TENM3: variants seen among roughly 807,000 people sequenced by gnomAD.
The protein encoded by TENM3 is teneurin transmembrane protein 3, also known as teneurin-3.
Under a neutral mutation model 255.1 loss-of-function variants are expected in TENM3, and 63 were observed. The observed-to-expected ratio is 0.25, with a 90% CI of 0.20 to 0.30. The LOEUF (loss-of-function observed/expected upper bound fraction) is 0.30, where lower values mean the gene tolerates loss of function less well. Among genes scored for constraint, TENM3 ranks in the 10% least tolerant of loss-of-function variants. The pLI, the probability that TENM3 is intolerant of heterozygous loss-of-function variation, is 1.00. For synonymous variants in TENM3, 1,306 were observed against 1,322.3 expected (o/e 0.99, Z 0.27); for missense variants, 2,929 against 3,461.1 (o/e 0.85, Z 3.86).
chr4:182,570,654 C>T (rs1744261930), intron 3 of TENM3, among the ~76,000 whole-genome samples: 1 of 151,974 alleles, frequency 6.6e-6, no homozygotes, highest in Non-Finnish European at 1.5e-5. Flanking sequence ...TCAAGACCAT[C>T]CTGGCTCATC....
At chr4:181,588,539 T>C in the TENM3 span, among the ~76,000 whole-genome samples, 1 of 152,152 alleles carries the variant, frequency 6.6e-6, no homozygotes, top group African/African-American at 2.4e-5. Context: ...AGATTCCAAT[T>C]GGGATCTGTA....
the TENM3 span, among the ~76,000 whole-genome samples, chr4:181,883,827 T>A: frequency 6.6e-6 from 1 of 152,088 alleles, no homozygotes; most frequent in African/African-American, 2.4e-5. Flanking sequence ...AGTAGAAGAT[T>A]AATGGCAGGA....
chr4:181,490,079 T>G, the TENM3 span, among the ~76,000 whole-genome samples: 1 of 152,226 alleles, frequency 6.6e-6, no homozygotes, highest in Non-Finnish European at 1.5e-5. Context: ...GTAGGGCACA[T>G]GTGATATCTT....
chr4:182,316,672 A>G, intron 1 of TENM3, among the ~76,000 whole-genome samples: 1 of 151,124 alleles, frequency 6.6e-6, no homozygotes, highest in African/African-American at 2.4e-5. Context: ...CTTTCAGATC[A>G]TTCTTTCTGT....
At chr4:182,597,874 G>C (rs1233261355) in intron 3 of TENM3, among the ~76,000 whole-genome samples, 2 of 152,254 alleles carry the variant, frequency 1.3e-5, no homozygotes, top group East Asian at 3.9e-4. Flanking sequence ...TTGTGGTCTG[G>C]TGCAGAATTT....
intron 5 of TENM3, among the ~76,000 whole-genome samples, chr4:182,630,266 A>G (rs6827791): frequency 0.035 from 5,361 of 152,316 alleles, 104 homozygotes; most frequent in Middle Eastern, 0.075. Context: ...CTGTTGTTTC[A>G]TAACAGTGAA....
At chr4:181,899,577 G>T in the TENM3 span, among the ~76,000 whole-genome samples, 1 of 151,428 alleles carries the variant, frequency 6.6e-6, no homozygotes, top group Non-Finnish European at 1.5e-5. Context: ...TGTTTTTTGG[G>T]GTTTTTTTTG....
chr4:182,386,331 C>T (rs1767912155), intron 3 of TENM3, among the ~76,000 whole-genome samples: 2 of 152,224 alleles, frequency 1.3e-5, no homozygotes, highest in South Asian at 4.1e-4. Flanking sequence ...CCTTATAGCA[C>T]TGCTGAAGTG....
the TENM3 span, among the ~76,000 whole-genome samples, chr4:181,866,276 G>A: frequency 6.6e-6 from 1 of 152,138 alleles, no homozygotes; most frequent in Non-Finnish European, 1.5e-5. Flanking sequence ...AGTGAATCTA[G>A]AAGTTTCTAA....
At chr4:182,170,633 TA>T (rs1209264556) in intron 1 of TENM3, among the ~76,000 whole-genome samples, 1 of 147,492 alleles carries the variant, frequency 6.8e-6, no homozygotes, top group East Asian at 2.0e-4. Flanking sequence ...TGGTTAATGG[TA>T]ATTAGTTTAG....
intron 3 of TENM3, among the ~76,000 whole-genome samples, chr4:182,365,165 A>C (rs911632419): frequency 2.0e-5 from 3 of 152,184 alleles, no homozygotes; most frequent in Admixed American, 2.0e-4. Context: ...AGTTGAATAC[A>C]TTTTCACATG....
intron 3 of TENM3, among the ~76,000 whole-genome samples, chr4:182,581,433 C>T (rs1258429446): frequency 6.6e-6 from 1 of 152,022 alleles, no homozygotes; most frequent in Admixed American, 6.6e-5. Flanking sequence ...TCTAATAATC[C>T]CTTAAGAATA....
the TENM3 span, among the ~76,000 whole-genome samples, chr4:181,479,594 C>T: frequency 2.0e-5 from 3 of 151,884 alleles, no homozygotes; most frequent in Non-Finnish European, 4.4e-5. Flanking sequence ...CTCTTTCAGA[C>T]AAAATTTTAA....
intron 3 of TENM3, among the ~76,000 whole-genome samples, chr4:182,520,772 A>G (rs1287289652): frequency 1.3e-5 from 2 of 152,248 alleles, no homozygotes. Flanking sequence ...TTAGTTTTAT[A>G]ACAAAATGGC....
At chr4:181,791,162 G>T in the TENM3 span, among the ~76,000 whole-genome samples, 1 of 152,180 alleles carries the variant, frequency 6.6e-6, no homozygotes, top group Non-Finnish European at 1.5e-5. Context: ...AAATTGCCCC[G>T]GACCAGGCGA....
At chr4:182,061,405 C>T in the TENM3 span, among the ~76,000 whole-genome samples, 18 of 152,196 alleles carry the variant, frequency 1.2e-4, 1 homozygote, top group Admixed American at 1.0e-3. Context: ...ACTGAAAAGG[C>T]ATCTAAGTTA....
intron 3 of TENM3, among the ~76,000 whole-genome samples, chr4:182,560,409 C>T (rs1044671488): frequency 6.6e-6 from 1 of 152,116 alleles, no homozygotes; most frequent in Non-Finnish European, 1.5e-5. Flanking sequence ...TCAAAACTTT[C>T]GTTATTCCCT....
At chr4:182,779,260 A>T (rs980044453) in intron 24 of TENM3, among the ~76,000 whole-genome samples, 4 of 142,010 alleles carry the variant, frequency 2.8e-5, no homozygotes, top group African/African-American at 1.0e-4. Flanking sequence ...TCCTGTGTCC[A>T]TGTGATCTCA....
the TENM3 span, among the ~76,000 whole-genome samples, chr4:181,946,546 ATTATAC>A: frequency 1.3e-5 from 2 of 152,250 alleles, no homozygotes; most frequent in South Asian, 4.1e-4. Flanking sequence ...TCCATTTTAT[ATTATAC>A]TTATCATTAG....
Sources: gnomAD v4.1 joint callset for allele counts (sites outside exome capture counted in the v4.1 genomes callset) on GRCh38, gnomAD v4.1.1 for gene constraint, MANE v1.5 for transcripts, NCBI Gene and HGNC (gene_info 2026-07-23, HGNC 2026-07-21) for gene names.